Variants in KANK3 observed in about 807,000 individuals in gnomAD.
The protein encoded by KANK3 is KN motif and ankyrin repeat domains 3.
KANK3 carries 61 observed loss-of-function variants against 65.4 expected under a neutral mutation model. That is an observed-to-expected ratio of 0.93 (90% CI 0.76 to 1.15). The LOEUF (loss-of-function observed/expected upper bound fraction) is 1.15. Ranked by LOEUF, KANK3 falls within the 50% of genes most tolerant of loss-of-function variation. The probability of loss-of-function intolerance (pLI) is 0.00; values close to 1 mark genes in which losing one functional copy is unlikely to be tolerated. For synonymous variants in KANK3, 586 were observed against 543.3 expected, an observed-to-expected ratio of 1.08 and a Z score of -1.09; for missense variants, 1,187 against 1,178.8, an observed-to-expected ratio of 1.01 and a Z score of -0.10.
intron 2 of KANK3, among the ~76,000 whole-genome samples, chr19:8,336,898 C>T (rs1402962540): frequency 1.3e-5 from 2 of 151,886 alleles, no homozygotes; most frequent in Non-Finnish European, 2.9e-5. Flanking sequence ...CAGGGTGTCC[C>T]GAGCAGAGTA....
At chr19:8,328,387 CCACACACACACACACACACACACA>C (rs55963090) in intron 7 of KANK3, among the ~76,000 whole-genome samples, 131 of 145,214 alleles carry the variant, frequency 9.0e-4, no homozygotes, top group African/African-American at 2.8e-3. Flanking sequence ...ACCACCCCCA[CCACACACACACACACACACACACA>C]CACACACACA....
Position 8,325,027 on chromosome 19 carries a change from A to G in KANK3, c.2006T>C (p.Val669Ala). ...SALMLAALTS[V>A]RQEEEDMAVV... is the part of the protein sequence containing the mutation. Reference sequence around the variant, plus strand: ...AGCCATGTCCTCCTCTTCCTGCCTCACAGAGGTGAGTGCAGCCAGCATGAG... The same window carrying G: ...AGCCATGTCCTCCTCTTCCTGCCTCGCAGAGGTGAGTGCAGCCAGCATGAG... The change falls in exon 8 of 11, where the codon GTG (valine) becomes GCG (alanine). Residue 669 changes from valine to alanine, a missense_variant. Val to Ala is a moderately conservative substitution (Grantham distance 64). This residue lies in a region of KANK3 where 1,078 missense variants were observed against 1,038.2 expected (regional missense o/e 1.04). Transcript: ENST00000330915. The G allele has an allele frequency of 6.2e-7, 1 of 1,613,820 alleles. No homozygotes were observed. The highest frequency in any genetic ancestry group is 8.5e-7 in the Non-Finnish European group (1 of 1,179,988).
chr19:8,342,836 G>C (rs1248877310), intron 1 of KANK3, among the ~76,000 whole-genome samples: 1 of 152,170 alleles, frequency 6.6e-6, no homozygotes, highest in Non-Finnish European at 1.5e-5. Context: ...GCGGGTCCGG[G>C]GGCCGTGCGT....
intron 7 of KANK3, among the ~76,000 whole-genome samples, chr19:8,331,980 C>CTTTT (rs1166441751): frequency 1.5e-5 from 1 of 67,892 alleles, no homozygotes; most frequent in Non-Finnish European, 2.6e-5. Flanking sequence ...CAAAAGGCCT[C>CTTTT]TTTTTTTTTT....
chr19:8,335,673 T>C lies in KANK3; in HGVS notation c.154A>G (p.Ile52Val), dbSNP rs1156310722. The stretch of plus-strand genomic sequence containing the variant: ...GCGGGGCCACGCTCCAGCTCCTCTA[T>C]GTACTTGAGGAAGTCCAGGTCCAGG... Reference protein sequence around the residue: ...FHLDLDFLKYIEELERGPAAR... With the variant: ...FHLDLDFLKYVEELERGPAAR... Residue 52 changes from isoleucine to valine, a missense_variant, in exon 3 of 11, where the codon ATA becomes GTA. Ile to Val is a conservative substitution (Grantham distance 29, BLOSUM62 3). Around this residue, in one of 3 missense-constraint regions of KANK3, gnomAD observed 104 missense variants for 122.1 expected, o/e 0.85. Coordinates refer to ENST00000330915, the MANE Select transcript of KANK3 (RefSeq NM_198471.3). The C allele has an allele frequency of 3.2e-6, 4 of 1,255,196 alleles. No individual in the cohort carries two copies. Among genetic ancestry groups the C allele is most frequent in the African/African-American group, 1.6e-5 (1 of 64,486 alleles). The allele number at this position is 1,255,196 out of a possible 1,614,324, so 77.8% of individuals were successfully genotyped here.
chr19:8,324,132 C>A, intron 10 of KANK3, among the ~76,000 whole-genome samples: 1 of 152,112 alleles, frequency 6.6e-6, no homozygotes, highest in East Asian at 1.9e-4. Flanking sequence ...CACATCAAAT[C>A]CCAGCCCCTG....
intron 7 of KANK3, among the ~76,000 whole-genome samples, chr19:8,331,450 G>T (rs1228001866): frequency 1.3e-5 from 2 of 152,226 alleles, no homozygotes; most frequent in South Asian, 2.1e-4. Context: ...GGAGGGATCT[G>T]CGTGTTTAGG....
Position 8,324,461 on chromosome 19 carries a change from C to G in KANK3, c.2370G>C (p.Gln790His). ...GAGCTGTGCTCACCTGGGTGTCGGG[C>G]TGGCCCGAGCTCAGGTGGGCATGTA... ...ALLHAHLSSG[Q>H]PDTQSESPPG... The change falls in exon 10 of 11, where the codon CAG becomes CAC. Residue 790 changes from glutamine (Q) to histidine (H), a missense_variant. Gln to His is a conservative substitution (Grantham distance 24). Transcript: ENST00000330915. 1.2e-6 allele frequency: 2 copies of G among 1,604,382 alleles called. No individual in the cohort carries two copies. Among genetic ancestry groups the G allele is most frequent in the Non-Finnish European group, 1.7e-6 (2 of 1,175,494 alleles).
chr19:8,338,242 G>T (rs567859516), intron 1 of KANK3, among the ~76,000 whole-genome samples: 2 of 151,444 alleles, frequency 1.3e-5, no homozygotes, highest in African/African-American at 4.9e-5. Context: ...GGCTGGTCTC[G>T]AACTCCTGAC....
Position 8,338,678 on chromosome 19 carries a change from A to T in KANK3, c.-28-822T>A, listed in dbSNP as rs1234739405. On this transcript the variant is annotated intron_variant, in intron 1 of 10. Transcript: ENST00000330915. ...ATCATGAGGTCAGGAGATCGAGACC[A>T]TCCTGGTTAACACGGTGAAACCCCA... 2.0e-5 allele frequency among the ~76,000 whole-genome samples: 3 copies of T among 151,820 alleles called. No homozygotes were observed. The East Asian group carries it at 5.9e-4, about 30-fold the overall frequency.
chr19:8,339,980 A>AAG lies in KANK3; in HGVS notation c.-28-2125_-28-2124insCT, dbSNP rs1555684692. Among the ~76,000 whole-genome samples the AAG allele has an allele frequency of 1.9e-3, 182 of 95,708 alleles. 1 individual carries two copies. Among genetic ancestry groups the AAG allele is most frequent in the Middle Eastern group, 0.012 (2 of 162 alleles). The allele number at this position is 95,708 out of a possible 152,430, so 62.8% of individuals were successfully genotyped here. ...CCTTGTCTCAAAAAAAAAAAAAAAA[A>AAG]AAAAGAAAAGAAAAGAAAAGAAAAG... On this transcript the variant is annotated intron_variant, in intron 1 of 10. Coordinates refer to ENST00000330915, the MANE Select transcript of KANK3 (RefSeq NM_198471.3).
In KANK3 at chr19:8,334,663, C is replaced by T; in HGVS notation, c.1164G>A (p.Glu388=). 4 of 1,539,956 alleles carry T rather than the reference C, an allele frequency of 2.6e-6. No individual in the cohort carries two copies. Among genetic ancestry groups the T allele is most frequent in the Non-Finnish European group, 3.5e-6 (4 of 1,149,952 alleles). The change falls in exon 3 of 11, where the codon GAG becomes GAA. Residue 388 remains glutamate (E), a synonymous_variant. Transcript: ENST00000330915. The part of the protein sequence containing the change: ...ELEEAREAAE[E]AAAGARAQLR... ...GCTGGGCCCGGGCCCCCGCCGCTGC[C>T]TCCTCCGCAGCCTCGCGGGCTTCCT...
chr19:8,340,223 C>A (rs2913961), intron 1 of KANK3, among the ~76,000 whole-genome samples: 1 of 145,732 alleles, frequency 6.9e-6, no homozygotes, highest in Non-Finnish European at 1.5e-5. Context: ...GATCATGCCA[C>A]TGCACTCCAG....
intron 7 of KANK3, among the ~76,000 whole-genome samples, chr19:8,327,136 G>A (rs1339215273): frequency 6.6e-6 from 1 of 152,172 alleles, no homozygotes; most frequent in Non-Finnish European, 1.5e-5. Flanking sequence ...TCGGGGTCAT[G>A]AGATGGATAA....
In KANK3 at chr19:8,333,376, C is replaced by A; in HGVS notation, c.1720-146G>T. 1 of 679,002 alleles carries A rather than the reference C, an allele frequency of 1.5e-6. No homozygotes were observed. The highest frequency in any genetic ancestry group is 2.5e-6 in the Non-Finnish European group (1 of 408,154). The allele number at this position is 679,002 out of a possible 1,614,324, so 42.1% of individuals were successfully genotyped here. On this transcript the variant is annotated intron_variant, in intron 6 of 10. Transcript: ENST00000330915. The surrounding 1 kb of genome is among the most constrained non-coding windows in gnomAD (Gnocchi z 5.0). ...GGTCACTCCTCGTCCAGGTGGGGAG[C>A]CATGCGAACCCAGATGGAGGGCTGG...
intron 10 of KANK3, 99 bp from the exon 11 acceptor site, chr19:8,323,021 T>C: frequency 1.5e-6 from 1 of 674,912 alleles, no homozygotes; most frequent in African/African-American, 1.9e-5. Flanking sequence ...TCTTTTACCA[T>C]GGACCCAGGC....
At chr19:8,337,624 G>C (rs1158799625) in intron 2 of KANK3, among the ~76,000 whole-genome samples, 171 bp downstream of exon 2, 1 of 152,162 alleles carries the variant, frequency 6.6e-6, no homozygotes, top group African/African-American at 2.4e-5. Context: ...GGGATTACAG[G>C]CATGAGCCAC....
chr19:8,334,404 A>T lies in KANK3; in HGVS notation c.1343T>A (p.Ile448Asn). 1 of 1,613,878 alleles carries T rather than the reference A, an allele frequency of 6.2e-7. No homozygotes were observed. Among genetic ancestry groups the T allele is most frequent in the Non-Finnish European group, 8.5e-7 (1 of 1,179,992 alleles). Residue 448 changes from isoleucine (I) to asparagine (N), a missense_variant, in exon 4 of 11, where the codon ATC becomes AAC. Ile to Asn is a moderately radical substitution (Grantham distance 149). This residue lies in a region of KANK3 where 1,078 missense variants were observed against 1,038.2 expected (regional missense o/e 1.04). Transcript: ENST00000330915. ...AVAPAGILKS[I>N]MKKRDGTPGA... ...AGGTGTGCCGTCTCTCTTCTTCATGATGGATTTGAGGATGCCTGGCGGGGA... is the reference window on the plus strand; with the variant it reads ...AGGTGTGCCGTCTCTCTTCTTCATGTTGGATTTGAGGATGCCTGGCGGGGA...
Position 8,335,282 on chromosome 19 carries a change from T to C in KANK3, c.545A>G (p.Gln182Arg). 1 of 1,213,958 alleles carries C rather than the reference T, an allele frequency of 8.2e-7. No individual in the cohort carries two copies. The highest frequency in any genetic ancestry group is 3.5e-5 in the East Asian group (1 of 28,238). The allele number at this position is 1,213,958 out of a possible 1,614,324, so 75.2% of individuals were successfully genotyped here. ...NLAPASPGPA[Q>R]LQLVREQMAA... The stretch of plus-strand genomic sequence containing the variant: ...CATCTGCTCGCGCACCAGCTGCAGT[T>C]GGGCAGGGCCGGGCGAAGCAGGGGC... The change falls in exon 3 of 11, where the codon CAA becomes CGA. Residue 182 changes from glutamine to arginine, a missense_variant. Gln to Arg is a conservative substitution (Grantham distance 43, BLOSUM62 1). This residue lies in a region of KANK3 where 1,078 missense variants were observed against 1,038.2 expected (regional missense o/e 1.04). Coordinates refer to ENST00000330915, the MANE Select transcript of KANK3 (RefSeq NM_198471.3).
Sources: allele counts gnomAD v4.1 joint callset (sites outside exome capture counted in the v4.1 genomes callset), GRCh38; gene constraint gnomAD v4.1.1; regional missense constraint gnomAD v4.1.1; non-coding constraint Gnocchi (gnomAD v3.1); transcripts MANE v1.5; gene names NCBI Gene and HGNC (gene_info 2026-07-23, HGNC 2026-07-21).